UGGT2: variants seen among roughly 807,000 people sequenced by gnomAD.
UGGT2 encodes the protein UDP-glucose:glycoprotein glucosyltransferase 2.
Under a neutral mutation model 192.1 loss-of-function variants are expected in UGGT2, and 180 were observed. The observed-to-expected ratio is 0.94, with a 90% confidence interval of 0.83 to 1.06. UGGT2 has a LOEUF of 1.06. Ranked by LOEUF, UGGT2 falls within the 50% of genes least tolerant of loss-of-function variation. The pLI is 0.00. For missense variants in UGGT2, 1,849 were observed against 1,795.7 expected (o/e 1.03, Z -0.54); for synonymous variants, 580 against 591.0 (o/e 0.98, Z 0.27).
chr13:96,036,777 T>C (rs1389443882), intron 1 of UGGT2, among the ~76,000 whole-genome samples: 4 of 152,180 alleles, frequency 2.6e-5, no homozygotes, highest in Non-Finnish European at 5.9e-5. Flanking sequence ...TTTGTTTGTT[T>C]AAGACAGCAT....
chr13:96,006,678 G>T (rs1046168216), intron 5 of UGGT2, among the ~76,000 whole-genome samples: 4 of 134,798 alleles, frequency 3.0e-5, no homozygotes, highest in African/African-American at 1.1e-4. Context: ...CAGGTCAATA[G>T]AAATTATTCA....
intron 1 of UGGT2, among the ~76,000 whole-genome samples, chr13:96,050,207 C>A (rs1188764301): frequency 6.6e-6 from 1 of 152,150 alleles, no homozygotes; most frequent in Non-Finnish European, 1.5e-5. Context: ...TTTGACAAAT[C>A]TGACAAAAAC....
intron 5 of UGGT2, among the ~76,000 whole-genome samples, chr13:96,004,721 A>G (rs921041849): frequency 4.0e-5 from 6 of 150,298 alleles, no homozygotes; most frequent in Non-Finnish European, 5.9e-5. Flanking sequence ...AAAAAAGAAC[A>G]GAAAAAAATG....
At chr13:95,929,139 A>C (rs546889749) in intron 17 of UGGT2, among the ~76,000 whole-genome samples, 1 of 152,144 alleles carries the variant, frequency 6.6e-6, no homozygotes, top group Non-Finnish European at 1.5e-5. Context: ...GCCAAGATGG[A>C]GGCAGTACAG....
intron 11 of UGGT2, among the ~76,000 whole-genome samples, chr13:95,971,035 A>G (rs1016845771): frequency 3.3e-5 from 5 of 152,142 alleles, no homozygotes; most frequent in African/African-American, 9.7e-5. Flanking sequence ...TATAGAACCA[A>G]TGCTGATCTA....
chr13:96,014,387 T>A (rs1216072530), intron 4 of UGGT2, among the ~76,000 whole-genome samples: 1 of 152,222 alleles, frequency 6.6e-6, no homozygotes, highest in Non-Finnish European at 1.5e-5. Flanking sequence ...GGTTTTGAGA[T>A]CAGGCAGAAT....
intron 15 of UGGT2, among the ~76,000 whole-genome samples, chr13:95,943,962 T>A (rs1401109060): frequency 6.6e-6 from 1 of 151,948 alleles, no homozygotes; most frequent in East Asian, 1.9e-4. Context: ...TCTTTATGAG[T>A]TTTTTAATCA....
At chr13:95,867,204 G>T in intron 30 of UGGT2, 135 bp downstream of exon 30, 6 of 735,422 alleles carry the variant, frequency 8.2e-6, no homozygotes, top group Admixed American at 3.0e-5. Flanking sequence ...TTTTTTTACT[G>T]CTGGAGTTCA....
chr13:95,897,256 G>T (rs1051273544), intron 22 of UGGT2, among the ~76,000 whole-genome samples: 3 of 151,904 alleles, frequency 2.0e-5, no homozygotes, highest in African/African-American at 7.3e-5. Flanking sequence ...ACAGTGTAAT[G>T]TAATTAATGG....
At chr13:95,864,114 T>C (rs1030419919) in intron 30 of UGGT2, among the ~76,000 whole-genome samples, 1 of 152,188 alleles carries the variant, frequency 6.6e-6, no homozygotes, top group African/African-American at 2.4e-5. Flanking sequence ...AGTAATGTGT[T>C]TATCTTCGGT....
chr13:95,910,885 T>G (rs1373415056), intron 20 of UGGT2, among the ~76,000 whole-genome samples: 1 of 152,140 alleles, frequency 6.6e-6, no homozygotes, highest in East Asian at 1.9e-4. Flanking sequence ...CACAACAAAC[T>G]GTCTCTCAGA....
In UGGT2 at chr13:95,859,846, C is replaced by T. The variant is rs142726603; in HGVS notation, c.3741-171G>A. On this transcript the variant is annotated intron_variant, in intron 32 of 38. Transcript: ENST00000376747. ...GTTTGTTACATAGGTCTTTTAAAGG[C>T]TTTTAAATAATTGAAGGTATGAATT... 402 of 449,930 alleles carry T rather than the reference C, an allele frequency of 8.9e-4. 3 individuals are homozygous for T. Among genetic ancestry groups the T allele is most frequent in the African/African-American group, 7.1e-3 (350 of 48,966 alleles). The allele number at this position is 449,930 out of a possible 1,614,324, so 27.9% of individuals were successfully genotyped here. A position where few individuals can be genotyped will look rare whatever the true frequency, so the allele number is the denominator to read the frequency against.
chr13:96,039,121 G>T (rs2053091050), intron 1 of UGGT2, among the ~76,000 whole-genome samples: 1 of 152,214 alleles, frequency 6.6e-6, no homozygotes, highest in African/African-American at 2.4e-5. Flanking sequence ...CAAAGCCTGA[G>T]AATAACTCTC....
At chr13:95,933,492 T>C (rs2049356986) in intron 17 of UGGT2, among the ~76,000 whole-genome samples, 1 of 152,178 alleles carries the variant, frequency 6.6e-6, no homozygotes, top group Non-Finnish European at 1.5e-5. Context: ...GATCTTGTCC[T>C]TTCCAAGAGC....
intron 5 of UGGT2, 107 bp downstream of exon 5, chr13:96,013,200 A>T: frequency 8.9e-7 from 1 of 1,120,496 alleles, no homozygotes; most frequent in Non-Finnish European, 1.2e-6. Flanking sequence ...AAAAAAAGTT[A>T]GATAACTATT....
chr13:96,045,459 C>T (rs550963224), intron 1 of UGGT2, among the ~76,000 whole-genome samples: 33 of 152,278 alleles, frequency 2.2e-4, no homozygotes, highest in African/African-American at 7.2e-4. Context: ...CACTTCTATT[C>T]AACATAGTAA....
chr13:95,899,617 T>C (rs1460520940), intron 22 of UGGT2, among the ~76,000 whole-genome samples: 1 of 152,072 alleles, frequency 6.6e-6, no homozygotes, highest in East Asian at 1.9e-4. Flanking sequence ...AGTATATAAC[T>C]AAAAGGTAAG....
intron 38 of UGGT2, among the ~76,000 whole-genome samples, chr13:95,814,761 A>G (rs1884740092): frequency 1.3e-5 from 2 of 152,202 alleles, no homozygotes; most frequent in African/African-American, 4.8e-5. Flanking sequence ...TTTGACATTA[A>G]CACCAGATAA....
intron 29 of UGGT2, among the ~76,000 whole-genome samples, chr13:95,875,665 A>C (rs1290459064): frequency 6.6e-6 from 1 of 152,086 alleles, no homozygotes; most frequent in Non-Finnish European, 1.5e-5. Context: ...TTAATTCTTC[A>C]ATTTTCTTGA....
Sources: gnomAD v4.1 joint callset for allele counts (sites outside exome capture counted in the v4.1 genomes callset) on GRCh38, gnomAD v4.1.1 for gene constraint, MANE v1.5 for transcripts, NCBI Gene and HGNC (gene_info 2026-07-23, HGNC 2026-07-21) for gene names.